The following LAMB1 variants were observed in gnomAD, a reference collection of about 807,000 sequenced individuals.
LAMB1 encodes laminin subunit beta 1.
Under a neutral mutation model 222.3 loss-of-function variants are expected in LAMB1, and 121 were observed. The ratio of observed to expected loss-of-function variants is 0.54; its 90% CI spans 0.47 to 0.63. LAMB1 has a LOEUF of 0.63. Among genes scored for constraint, LAMB1 ranks in the 30% least tolerant of loss-of-function variants. LAMB1 has a pLI of 0.00. For missense variants in LAMB1, 2,172 were observed against 2,240.8 expected, an observed-to-expected ratio of 0.97 and a Z score of 0.62; for synonymous variants, 794 against 807.2, an observed-to-expected ratio of 0.98 and a Z score of 0.28.
Position 107,935,452 on chromosome 7 carries a change from T to C in LAMB1, c.4151A>G (p.Lys1384Arg). Reference protein sequence around the residue: ...QARLLDELAGKLQSLDLSAAA... With the variant: ...QARLLDELAGRLQSLDLSAAA... ...GGCTGAAAGGTCTAGGCTTTGTAGC[T>C]TGCCTGCCAGTTCATCAAGGAGGCG... Residue 1384 changes from lysine (K) to arginine (R), a missense_variant, in exon 27 of 34, where the codon AAG becomes AGG. Lys to Arg is a conservative substitution (Grantham distance 26). Coordinates refer to ENST00000222399, the MANE Select transcript of LAMB1 (RefSeq NM_002291.3). The C allele has an allele frequency of 6.2e-7, 1 of 1,610,040 alleles. No homozygotes were observed. The highest frequency in any genetic ancestry group is 1.1e-5 in the South Asian group (1 of 90,938).
chr7:107,924,550 T>C (rs1392872399), intron 32 of LAMB1, among the ~76,000 whole-genome samples, 161 bp from the exon 33 acceptor site: 1 of 152,208 alleles, frequency 6.6e-6, no homozygotes, highest in Non-Finnish European at 1.5e-5. Flanking sequence ...TGGAATTGAA[T>C]GCAAAATTGA....
chr7:107,928,458 C>G (rs2032620104), intron 31 of LAMB1, among the ~76,000 whole-genome samples: 1 of 151,824 alleles, frequency 6.6e-6, no homozygotes, highest in South Asian at 2.1e-4. Context: ...ATACTTCATA[C>G]TACTGAACAG....
chr7:107,985,822 T>C (rs1272419681), intron 7 of LAMB1, among the ~76,000 whole-genome samples, 200 bp downstream of exon 7: 1 of 151,762 alleles, frequency 6.6e-6, no homozygotes, highest in Non-Finnish European at 1.5e-5. Context: ...CTGGGCGTGG[T>C]GGCACATGCC....
intron 20 of LAMB1, among the ~76,000 whole-genome samples, chr7:107,958,067 C>T (rs2033414921): frequency 6.6e-6 from 1 of 152,108 alleles, no homozygotes; most frequent in Non-Finnish European, 1.5e-5. Flanking sequence ...GCTTCTGTTC[C>T]CCCTCCTCTC....
rs369528849 is a variant in LAMB1, at chr7:107,923,987, T to A, written c.5325A>T (p.Ile1775=). Residue 1775 remains isoleucine (I), a synonymous_variant, in exon 34 of 34, where the codon ATA becomes ATT. Coordinates refer to ENST00000222399, the MANE Select transcript of LAMB1 (RefSeq NM_002291.3). ...EGEVRSLLKD[I]SQKVAVYSTC... ...TGCTATACACAGCAACTTTCTGGCT[T>A]ATATCCTTTAGGAGTGAACGGACTT... 115 of 1,609,458 alleles carry A rather than the reference T, an allele frequency of 7.1e-5. No homozygotes were observed. The highest frequency in any genetic ancestry group is 9.5e-5 in the Non-Finnish European group (112 of 1,178,906).
rs1257106756 is a variant in LAMB1 at position 107,929,542 on chromosome 7, G to A, written c.4615C>T (p.Gln1539Ter). Reference protein sequence around the residue: ...LKMEMPSTPQQLQNLTEDIRE... With the variant: ...LKMEMPSTPQ The stretch of plus-strand genomic sequence containing the variant: ...ATATCTTCTGTCAAGTTCTGTAACT[G>A]CTGTGGGGTGCTAGGCATCTCCATT... Residue 1539 changes from glutamine to a stop codon, truncating the protein, a stop_gained, in exon 30 of 34, where the codon CAG becomes TAG. Transcript: ENST00000222399. LOFTEE classifies it high-confidence loss of function. 1 of 1,613,902 alleles carries A rather than the reference G, an allele frequency of 6.2e-7. No homozygotes were observed. The highest frequency in any genetic ancestry group is 8.5e-7 in the Non-Finnish European group (1 of 1,179,888).
chr7:107,980,505 C>T (rs2033950828), intron 8 of LAMB1, 104 bp downstream of exon 8: 1 of 940,844 alleles, frequency 1.1e-6, no homozygotes, highest in Non-Finnish European at 1.7e-6. Context: ...CTCTGTAAAA[C>T]TAAAACCCCC....
At chr7:107,965,305 C>A (rs1319576883) in intron 13 of LAMB1, among the ~76,000 whole-genome samples, 1 of 152,242 alleles carries the variant, frequency 6.6e-6, no homozygotes, top group East Asian at 1.9e-4. Context: ...TGCGGCTGGG[C>A]ACGGTGGCTC....
At chr7:107,950,833 G>A (rs529388208) in intron 24 of LAMB1, among the ~76,000 whole-genome samples, 2 of 152,278 alleles carry the variant, frequency 1.3e-5, no homozygotes, top group East Asian at 3.9e-4. Context: ...ACTGTTCAGA[G>A]GGGATAAAAA....
In LAMB1 at chr7:107,961,671, G is replaced by A. The variant is rs781143544; in HGVS notation, c.1863C>T (p.Pro621=). The change falls in exon 16 of 34, where the codon CCC becomes CCT. Residue 621 remains proline, a synonymous_variant. Coordinates refer to ENST00000222399, the MANE Select transcript of LAMB1 (RefSeq NM_002291.3). ...DILIRYEPQL[P]DHWEKAVITV... is the part of the protein sequence containing the mutation. ...TGATGACAGCTTTTTCCCAGTGGTC[G>A]GGTAGCTAGAATAAGAAACAAACAA... 2.1e-5 allele frequency: 34 copies of A among 1,612,876 alleles called. No homozygotes were observed. Among genetic ancestry groups the A allele is most frequent in the Middle Eastern group, 1.6e-4 (1 of 6,074 alleles).
chr7:107,989,356 C>T (rs2034139206), intron 5 of LAMB1, among the ~76,000 whole-genome samples: 1 of 152,214 alleles, frequency 6.6e-6, no homozygotes, highest in African/African-American at 2.4e-5. Context: ...AATAAAGACA[C>T]TTACTTCCGA....
chr7:107,932,799 T>TA (rs1052637169), intron 27 of LAMB1, among the ~76,000 whole-genome samples: 5 of 152,106 alleles, frequency 3.3e-5, no homozygotes, highest in African/African-American at 1.2e-4. Flanking sequence ...CTCCAGTAAA[T>TA]ATGGTGACAT....
Position 107,929,487 on chromosome 7 carries a change from A to G in LAMB1, c.4670T>C (p.Val1557Ala). Residue 1557 changes from valine (V) to alanine (A), a missense_variant, in exon 30 of 34, where the codon GTA (valine) becomes GCA (alanine). Val to Ala is a moderately conservative substitution (Grantham distance 64, BLOSUM62 0). Coordinates refer to ENST00000222399, the MANE Select transcript of LAMB1 (RefSeq NM_002291.3). ...IRERVESLSQ[V>A]EVILQHSAAD... ...AGCACTATGCTGAAGAATAACCTCT[A>G]CTTGAGAAAGGCTTTCAACTCGTTC... 2 of 1,614,098 alleles carry G rather than the reference A, an allele frequency of 1.2e-6. No individual in the cohort carries two copies. The highest frequency in any genetic ancestry group is 1.7e-6 in the Non-Finnish European group (2 of 1,179,992).
intron 24 of LAMB1, among the ~76,000 whole-genome samples, chr7:107,941,530 A>G (rs1357023974): frequency 6.6e-6 from 1 of 152,192 alleles, no homozygotes; most frequent in Non-Finnish European, 1.5e-5. Flanking sequence ...TCTTTGCCAA[A>G]TGAAGCCCTA....
rs776473362 is a variant in LAMB1 at position 107,940,369 on chromosome 7, A to G, written c.3392-11T>C. 1.2e-6 allele frequency: 2 copies of G among 1,605,996 alleles called. No individual in the cohort carries two copies. Among genetic ancestry groups the G allele is most frequent in the Non-Finnish European group, 1.7e-6 (2 of 1,173,598 alleles). On this transcript the variant is annotated splice_polypyrimidine_tract_variant and intron_variant, in intron 24 of 33. Transcript: ENST00000222399. ...GGTCACAGTCACAGGCTAGAAGGGA[A>G]TAAGCAATGCTAGCTGATCTACTTA...
In LAMB1 at chr7:108,003,111, C is replaced by T. The variant is rs1241606862; in HGVS notation, c.-87G>A. ...CGTGCAGCCACTTTGTTCTCCTCACCCGGCGACGCGAGCTCTCGCCCTGCT... is the reference window on the plus strand; with the variant it reads ...CGTGCAGCCACTTTGTTCTCCTCACTCGGCGACGCGAGCTCTCGCCCTGCT... On this transcript the variant is annotated splice_region_variant and 5_prime_UTR_variant, in exon 1 of 34. Coordinates refer to ENST00000222399, the MANE Select transcript of LAMB1 (RefSeq NM_002291.3). 2 of 941,624 alleles carry T rather than the reference C, an allele frequency of 2.1e-6. No homozygotes were observed. The highest frequency in any genetic ancestry group is 3.0e-6 in the Non-Finnish European group (2 of 665,320). 58.3% of individuals were successfully genotyped at this position (941,624 alleles called of 1,614,324 possible). A position where few individuals can be genotyped will look rare whatever the true frequency, so the allele number is the denominator to read the frequency against.
intron 18 of LAMB1, 46 bp downstream of exon 18, chr7:107,960,397 ACT>A: frequency 6.9e-7 from 1 of 1,455,310 alleles, no homozygotes; most frequent in Non-Finnish European, 9.6e-7. Context: ...TGCCAGATAT[ACT>A]CAGAGCCAGA....
chr7:107,963,815 A>G (rs1339268619), intron 14 of LAMB1, among the ~76,000 whole-genome samples: 2 of 152,204 alleles, frequency 1.3e-5, no homozygotes, highest in African/African-American at 4.8e-5. Context: ...AAATCTCACT[A>G]TCGCCAGGCA....
Position 107,964,668 on chromosome 7 carries a change from G to A in LAMB1, c.1582C>T (p.Gln528Ter), listed in dbSNP as rs375014512. 3 of 1,614,114 alleles carry A rather than the reference G, an allele frequency of 1.9e-6. No individual in the cohort carries two copies. The highest frequency in any genetic ancestry group is 1.1e-5 in the South Asian group (1 of 91,082). Residue 528 changes from glutamine to a stop codon, truncating the protein, a stop_gained, in exon 14 of 34, where the codon CAG becomes TAG. Transcript: ENST00000222399. LOFTEE classifies it high-confidence loss of function. ...ATCATGTGAGGCCGGCATGAGCACT[G>A]GCCTGACTCCGCAAAGCAACTGGAA... ...LNNSCFAESG[Q>*]CSCRPHMIGR...
Sources: gnomAD v4.1 joint callset for allele counts (sites outside exome capture counted in the v4.1 genomes callset) on GRCh38, gnomAD v4.1.1 for gene constraint, MANE v1.5 for transcripts, NCBI Gene and HGNC (gene_info 2026-07-23, HGNC 2026-07-21) for gene names.